DUSP22: variants seen among roughly 807,000 people sequenced by gnomAD.
The protein encoded by DUSP22 is dual specificity protein phosphatase 22.
A neutral mutation model predicts 24.5 loss-of-function variants in DUSP22; 24 were observed. The observed-to-expected ratio is 0.98, with a 90% CI of 0.71 to 1.38. The LOEUF (loss-of-function observed/expected upper bound fraction) is 1.38, where lower values mean the gene tolerates loss of function less well. Ranked by LOEUF, DUSP22 falls within the 40% of genes most tolerant of loss-of-function variation. The pLI, the probability that DUSP22 is intolerant of heterozygous loss-of-function variation, is 0.00. For missense variants in DUSP22, 330 were observed against 269.2 expected (o/e 1.23, Z -1.58); for synonymous variants, 160 against 106.4 (o/e 1.50, Z -3.10).
At chr6:312,234 C>T (rs1182714394) in intron 3 of DUSP22, among the ~76,000 whole-genome samples, 3 of 152,310 alleles carry the variant, frequency 2.0e-5, no homozygotes, top group African/African-American at 4.8e-5. Flanking sequence ...CTGCATTTCC[C>T]TCTGGACCTT....
intron 1 of DUSP22, among the ~76,000 whole-genome samples, chr6:302,445 G>C (rs1196687001): frequency 6.6e-6 from 1 of 152,302 alleles, no homozygotes; most frequent in African/African-American, 2.4e-5. Flanking sequence ...CCGTTCTGCT[G>C]TCCCCTCCCT....
chr6:327,479 C>T, intron 3 of DUSP22, among the ~76,000 whole-genome samples: 1 of 152,426 alleles, frequency 6.6e-6, no homozygotes, highest in Non-Finnish European at 1.5e-5. Context: ...CCTCCTCATG[C>T]ATTCCTTTCT....
At chr6:335,633 G>C (rs1390197199) in intron 4 of DUSP22, among the ~76,000 whole-genome samples, 1 of 152,296 alleles carries the variant, frequency 6.6e-6, no homozygotes, top group African/African-American at 2.4e-5. Flanking sequence ...ACTTAATCCA[G>C]TGTATCTAAA....
chr6:307,318 C>G, intron 2 of DUSP22, among the ~76,000 whole-genome samples: 1 of 152,418 alleles, frequency 6.6e-6, no homozygotes, highest in Middle Eastern at 3.4e-3. Flanking sequence ...TCTTCCCTCC[C>G]CACTTCTCTC....
chr6:315,632 C>T (rs1758307814), intron 3 of DUSP22, among the ~76,000 whole-genome samples: 1 of 152,308 alleles, frequency 6.6e-6, no homozygotes, highest in African/African-American at 2.4e-5. Flanking sequence ...GCCATGCCAT[C>T]ACCAGCACAG....
At chr6:330,964 A>G (rs1276833585) in intron 3 of DUSP22, among the ~76,000 whole-genome samples, 1 of 152,310 alleles carries the variant, frequency 6.6e-6, no homozygotes, top group Non-Finnish European at 1.5e-5. Flanking sequence ...CAACACAGGT[A>G]GAGACTGTTC....
chr6:323,881 C>T (rs994849727), intron 3 of DUSP22, among the ~76,000 whole-genome samples: 7 of 152,306 alleles, frequency 4.6e-5, no homozygotes, highest in South Asian at 2.1e-4. Flanking sequence ...ATCAGCCCCG[C>T]AGCACCCAAG....
chr6:335,410 G>A (rs1363382610), intron 4 of DUSP22, among the ~76,000 whole-genome samples: 1 of 152,310 alleles, frequency 6.6e-6, no homozygotes, highest in Non-Finnish European at 1.5e-5. Context: ...TCCACAAGAA[G>A]GGTCTGATGT....
intron 1 of DUSP22, among the ~76,000 whole-genome samples, chr6:296,668 A>G (rs1227560842): frequency 6.6e-6 from 1 of 152,300 alleles, no homozygotes; most frequent in Non-Finnish European, 1.5e-5. Flanking sequence ...AGTCTTCAGT[A>G]CTACAATACC....
In DUSP22 at chr6:349,060, C is replaced by T. The variant is rs1039445520; in HGVS notation, c.*109C>T. The T allele has an allele frequency of 5.9e-5, 88 of 1,483,844 alleles. No individual in the cohort carries two copies. Among genetic ancestry groups the T allele is most frequent in the African/African-American group, 1.4e-4 (10 of 71,790 alleles). The allele number at this position is 1,483,844 out of a possible 1,614,324, so 91.9% of individuals were successfully genotyped here. A position where few individuals can be genotyped will look rare whatever the true frequency, so the allele number is the denominator to read the frequency against. On this transcript the variant is annotated 3_prime_UTR_variant, in exon 7 of 7. Coordinates refer to ENST00000419235, the MANE Select transcript of DUSP22 (RefSeq NM_001286555.3). ...GGACAGGAAAGGGAGATAGCCAGGG[C>T]GAGGTGGGGCGAGGGCTCCTTCCCC...
intron 3 of DUSP22, among the ~76,000 whole-genome samples, chr6:327,946 C>G (rs1292981209): frequency 6.6e-6 from 1 of 152,296 alleles, no homozygotes; most frequent in African/African-American, 2.4e-5. Flanking sequence ...TGGACAGATG[C>G]TGAAGCACTG....
chr6:314,716 G>A (rs1758264171), intron 3 of DUSP22, among the ~76,000 whole-genome samples: 1 of 152,308 alleles, frequency 6.6e-6, no homozygotes, highest in Non-Finnish European at 1.5e-5. Flanking sequence ...TGAGCCGGGA[G>A]ACATTGTATG....
At chr6:324,687 C>T (rs1376584568) in intron 3 of DUSP22, among the ~76,000 whole-genome samples, 2 of 152,428 alleles carry the variant, frequency 1.3e-5, no homozygotes, top group African/African-American at 4.8e-5. Flanking sequence ...GCCTCTTTCT[C>T]AAAACAGCTT....
At chr6:293,677 C>T (rs1355067546) in intron 1 of DUSP22, among the ~76,000 whole-genome samples, 5 of 152,266 alleles carry the variant, frequency 3.3e-5, no homozygotes, top group African/African-American at 1.2e-4. Flanking sequence ...ACCTAGCTAA[C>T]TTTTCACGTG....
intron 3 of DUSP22, among the ~76,000 whole-genome samples, chr6:329,220 TCA>T (rs549178071): frequency 3.9e-5 from 6 of 152,422 alleles, no homozygotes; most frequent in African/African-American, 1.2e-4. Context: ...CAGACGGTTT[TCA>T]CAGTTTGCTT....
In DUSP22 at chr6:350,593, C is replaced by G. The variant is rs58554953; in HGVS notation, c.*1642C>G. 2.7e-5 allele frequency: 38 copies of G among 1,426,158 alleles called. No homozygotes were observed. The Admixed American group carries it at 2.8e-4, about 10-fold the overall frequency. 88.3% of individuals were successfully genotyped at this position (1,426,158 alleles called of 1,614,324 possible). On this transcript the variant is annotated 3_prime_UTR_variant, in exon 7 of 7. Transcript: ENST00000419235. ...GGTGCACAGGCCCCGGATGTACACC[C>G]GGAAAGGGGAGTGTGGCTGTAGAAT...
intron 1 of DUSP22, among the ~76,000 whole-genome samples, chr6:294,395 T>C (rs1373187426): frequency 1.3e-5 from 2 of 152,288 alleles, no homozygotes; most frequent in East Asian, 3.8e-4. Flanking sequence ...GACCCAAAGA[T>C]TCTTCACAGA....
At chr6:344,377 C>T (rs1396922774) in intron 4 of DUSP22, among the ~76,000 whole-genome samples, 1 of 152,298 alleles carries the variant, frequency 6.6e-6, no homozygotes, top group African/African-American at 2.4e-5. Flanking sequence ...CCTTAACCTC[C>T]TGGGCTCAAG....
rs990290627 is a variant in DUSP22, at chr6:292,700, C to T, written c.21+140C>T. ...GGGCGCGGAGGGAGGGGCGGCGCGC[C>T]TGGGCGGCGACCGCGGAGTCGGGGT... On this transcript the variant is annotated intron_variant, in intron 1 of 6. Transcript: ENST00000419235. 25 of 1,282,048 alleles carry T rather than the reference C, an allele frequency of 1.9e-5. No individual in the cohort carries two copies. The South Asian group carries it at 3.7e-4, about 19-fold the overall frequency. 79.4% of individuals were successfully genotyped at this position (1,282,048 alleles called of 1,614,324 possible).
Sources: gnomAD v4.1 joint callset for allele counts (sites outside exome capture counted in the v4.1 genomes callset) on GRCh38, gnomAD v4.1.1 for gene constraint, MANE v1.5 for transcripts, NCBI Gene and HGNC (gene_info 2026-07-23, HGNC 2026-07-21) for gene names.